ZFPM1: variants seen among roughly 807,000 people sequenced by gnomAD.
ZFPM1 encodes the protein zinc finger protein, FOG family member 1, also known as zinc finger protein ZFPM1.
In ZFPM1, 28 loss-of-function variants were observed where a neutral mutation model predicts 46.3. That is an observed-to-expected ratio of 0.60 (90% CI 0.45 to 0.83). The LOEUF (loss-of-function observed/expected upper bound fraction) is 0.83. ZFPM1 is among the 40% of genes least tolerant of loss of function. The pLI is 0.00. For synonymous variants in ZFPM1, 957 were observed against 675.9 expected, an observed-to-expected ratio of 1.42 and a Z score of -6.45; for missense variants, 1,878 against 1,432.4, an observed-to-expected ratio of 1.31 and a Z score of -5.02.
At chr16:88,517,565 G>A (rs1382735646) in intron 4 of ZFPM1, among the ~76,000 whole-genome samples, 1 of 150,366 alleles carries the variant, frequency 6.7e-6, no homozygotes, top group Non-Finnish European at 1.5e-5. Context: ...GGTGAAGGAG[G>A]GGTGGATAGA....
At chr16:88,526,226 C>A (rs903962879) in intron 4 of ZFPM1, among the ~76,000 whole-genome samples, 2 of 152,196 alleles carry the variant, frequency 1.3e-5, no homozygotes, top group Non-Finnish European at 2.9e-5. Flanking sequence ...CCCTGCCACG[C>A]CCTGTGGCAG....
intron 2 of ZFPM1, among the ~76,000 whole-genome samples, chr16:88,486,867 C>A (rs1909262548): frequency 6.6e-6 from 1 of 152,136 alleles, no homozygotes; most frequent in African/African-American, 2.4e-5. Flanking sequence ...GTGCTGGGTG[C>A]ACAGTGGTGT....
At chr16:88,468,770 G>C (rs889501121) in intron 1 of ZFPM1, 1 of 152,356 alleles carries the variant, frequency 6.6e-6, no homozygotes, top group Non-Finnish European at 1.5e-5. Flanking sequence ...ATGCAAATGA[G>C]CAGGGGTGAG....
chr16:88,499,345 A>G (rs190659356), intron 3 of ZFPM1, among the ~76,000 whole-genome samples: 40 of 152,330 alleles, frequency 2.6e-4, no homozygotes, highest in African/African-American at 9.6e-4. Flanking sequence ...AGACAGGGGG[A>G]TGCAGCGTGA....
intron 1 of ZFPM1, among the ~76,000 whole-genome samples, chr16:88,485,605 A>C (rs559835216): frequency 5.3e-5 from 8 of 150,976 alleles, no homozygotes; most frequent in African/African-American, 1.7e-4. Flanking sequence ...ACACCCAGCT[A>C]ATTTTTGTAT....
chr16:88,528,170 C>T lies in ZFPM1; in HGVS notation c.644C>T (p.Ala215Val). Reference protein sequence around the residue: ...EPAEPTCPAPAHDLQLLPQQA... With the variant: ...EPAEPTCPAPVHDLQLLPQQA... ...GCAGAGCCCACGTGCCCGGCCCCTG[C>T]ACACGACCTCCAGCTCCTGCCCCAG... Residue 215 changes from alanine to valine, a missense_variant, in exon 6 of 10, where the codon GCA becomes GTA. Transcript: ENST00000319555. The T allele has an allele frequency of 6.2e-7, 1 of 1,609,954 alleles. No homozygotes were observed. The highest frequency in any genetic ancestry group is 8.5e-7 in the Non-Finnish European group (1 of 1,179,294).
chr16:88,497,774 A>G lies in ZFPM1; in HGVS notation c.268+8621A>G, dbSNP rs991801192. ...GGGTCCCCCGCCCCAGGGTCCCGAC[A>G]GGGCCCGCCCGAGGCTGGGAATCCT... On this transcript the variant is annotated intron_variant, in intron 3 of 9. Transcript: ENST00000319555. The surrounding 1 kb of genome is among the most constrained non-coding windows in gnomAD (Gnocchi z 5.4). Among the ~76,000 whole-genome samples the G allele has an allele frequency of 6.6e-6, 1 of 152,094 alleles. No individual in the cohort carries two copies. Among genetic ancestry groups the G allele is most frequent in the Non-Finnish European group, 1.5e-5 (1 of 67,990 alleles).
At chr16:88,468,410 C>T (rs1908256601) in intron 1 of ZFPM1, among the ~76,000 whole-genome samples, 3 of 152,168 alleles carry the variant, frequency 2.0e-5, no homozygotes, top group Admixed American at 6.5e-5. Flanking sequence ...AATAAGAAGT[C>T]GCTCTCAACA....
In ZFPM1 at chr16:88,533,221, G is replaced by C; in HGVS notation, c.1263G>C (p.Ala421=). The part of the protein sequence containing the change: ...GPLASADLGL[A]PTPSPGLDRK... ...TGGCCTCCGCGGACCTGGGCCTGGCGCCCACCCCATCGCCAGGACTGGACA... is the reference window on the plus strand; with the variant it reads ...TGGCCTCCGCGGACCTGGGCCTGGCCCCCACCCCATCGCCAGGACTGGACA... The change falls in exon 10 of 10, where the codon GCG becomes GCC. Residue 421 remains alanine (A), a synonymous_variant. Transcript: ENST00000319555. 1 of 1,562,338 alleles carries C rather than the reference G, an allele frequency of 6.4e-7. No individual in the cohort carries two copies.
intron 1 of ZFPM1, among the ~76,000 whole-genome samples, chr16:88,482,193 G>A (rs1908976917): frequency 6.6e-6 from 1 of 152,152 alleles, no homozygotes; most frequent in Non-Finnish European, 1.5e-5. Context: ...GCAGAGAGCA[G>A]CTGTGGCTCA....
chr16:88,522,933 C>A (rs193079759), intron 4 of ZFPM1, among the ~76,000 whole-genome samples: 2 of 152,286 alleles, frequency 1.3e-5, no homozygotes, highest in Middle Eastern at 3.4e-3. Flanking sequence ...AGGCCAGGCG[C>A]GGTGGTTCAC....
chr16:88,534,917 T>C lies in ZFPM1; in HGVS notation c.2959T>C (p.Ser987Pro). 6.4e-7 allele frequency: 1 copy of C among 1,552,198 alleles called. No homozygotes were observed. Among genetic ancestry groups the C allele is most frequent in the Non-Finnish European group, 8.7e-7 (1 of 1,151,254 alleles). Reference protein sequence around the residue: ...RLCNIKFSSLSTFIAHKKYYC... With the variant: ...RLCNIKFSSLPTFIAHKKYYC... ...TTGCAACATCAAGTTCAGCAGCCTGTCCACCTTCATCGCCCACAAGAAGTA... is the reference window on the plus strand; with the variant it reads ...TTGCAACATCAAGTTCAGCAGCCTGCCCACCTTCATCGCCCACAAGAAGTA... Residue 987 changes from serine to proline, a missense_variant, in exon 10 of 10, where the codon TCC becomes CCC. Physicochemically the swap from Ser to Pro is moderately conservative, Grantham distance 74. Transcript: ENST00000319555.
chr16:88,514,505 C>G lies in ZFPM1; in HGVS notation c.387C>G (p.Pro129=), dbSNP rs1480402812. Residue 129 remains proline (P), a synonymous_variant, in exon 4 of 10, where the codon CCC becomes CCG. Coordinates refer to ENST00000319555, the MANE Select transcript of ZFPM1 (RefSeq NM_153813.3). ...GTGTCCAGACCAGAGCCTCATCCCC[C>G]AGGCAGGCGGAGCCGGTAAGAAGCC... is the stretch of plus-strand genomic sequence containing the variant. The part of the protein sequence containing the change: ...HGSVQTRASS[P]RQAEPSPALT... 1 of 1,561,914 alleles carries G rather than the reference C, an allele frequency of 6.4e-7. No individual in the cohort carries two copies. Among genetic ancestry groups the G allele is most frequent in the Admixed American group, 1.9e-5 (1 of 52,806 alleles).
At chr16:88,505,866 G>T (rs561810433) in intron 3 of ZFPM1, among the ~76,000 whole-genome samples, 3 of 152,108 alleles carry the variant, frequency 2.0e-5, no homozygotes, top group East Asian at 1.9e-4. Context: ...TGCAGCCGCC[G>T]GCAGGGCCCC....
chr16:88,512,263 G>A (rs1911012009), intron 3 of ZFPM1, among the ~76,000 whole-genome samples: 1 of 152,156 alleles, frequency 6.6e-6, no homozygotes, highest in Non-Finnish European at 1.5e-5. Context: ...ACAAGTGAGA[G>A]CCCAGGGCTG....
At chr16:88,472,554 C>G (rs1246554625) in intron 1 of ZFPM1, among the ~76,000 whole-genome samples, 1 of 152,038 alleles carries the variant, frequency 6.6e-6, no homozygotes, top group Non-Finnish European at 1.5e-5. Flanking sequence ...GGGTTTCACC[C>G]TGTTGGCCAG....
intron 1 of ZFPM1, among the ~76,000 whole-genome samples, chr16:88,457,895 G>A (rs1002881901): frequency 1.3e-5 from 2 of 152,206 alleles, no homozygotes; most frequent in African/African-American, 4.8e-5. Flanking sequence ...CGGAGTCCAC[G>A]CCGTCACCCA....
At position 88,485,933 on chromosome 16, in the gene ZFPM1, C is replaced by T; in HGVS notation, c.41-6C>T. ...CTCCCGAACCCCCATCGTCTTGTGT[C>T]CACAGGTTCCCTCGGAGACATGGAG... is the stretch of plus-strand genomic sequence containing the variant. On this transcript the variant is annotated splice_polypyrimidine_tract_variant and splice_region_variant and intron_variant, in intron 1 of 9. Transcript: ENST00000319555. 1 of 1,612,672 alleles carries T rather than the reference C, an allele frequency of 6.2e-7. No homozygotes were observed.
chr16:88,520,040 GGTGGATGTATGCATGAATAC>G (rs1911707758), intron 4 of ZFPM1, among the ~76,000 whole-genome samples: 1 of 151,728 alleles, frequency 6.6e-6, no homozygotes, highest in South Asian at 2.1e-4. Flanking sequence ...AGGATAACCA[GGTGGATGTATGCATGAATAC>G]ATGTATGGGT....
Sources: gnomAD v4.1 joint callset for allele counts (sites outside exome capture counted in the v4.1 genomes callset) on GRCh38, gnomAD v4.1.1 for gene constraint, Gnocchi (gnomAD v3.1) non-coding constraint, MANE v1.5 for transcripts, NCBI Gene and HGNC (gene_info 2026-07-23, HGNC 2026-07-21) for gene names.